Variants in KCNT1 observed in about 807,000 individuals in gnomAD.
The protein encoded by KCNT1 is potassium channel subfamily T member 1.
Under a neutral mutation model 147.8 loss-of-function variants are expected in KCNT1, and 78 were observed. The ratio of observed to expected loss-of-function variants is 0.53; its 90% confidence interval spans 0.44 to 0.64. The LOEUF is 0.64. Ranked by LOEUF, KCNT1 falls within the 30% of genes least tolerant of loss-of-function variation. The pLI is 0.00. For synonymous variants in KCNT1, 867 were observed against 748.8 expected (o/e 1.16, Z -2.58); for missense variants, 1,419 against 1,750.3 (o/e 0.81, Z 3.38).
intron 24 of KCNT1, among the ~76,000 whole-genome samples, chr9:135,783,277 C>T (rs1472216973): frequency 6.6e-6 from 1 of 152,202 alleles, no homozygotes; most frequent in Non-Finnish European, 1.5e-5. Context: ...AGGGAGAGGC[C>T]AGAGGTCCCC....
intron 2 of KCNT1, among the ~76,000 whole-genome samples, chr9:135,723,439 T>C (rs770676044): frequency 1.3e-4 from 20 of 152,240 alleles, no homozygotes; most frequent in Non-Finnish European, 2.2e-4. Context: ...TGCCCGAGGC[T>C]TGGCTCCACA....
In KCNT1 at chr9:135,778,428, G is replaced by A. The variant is rs376758763; in HGVS notation, c.2527G>A (p.Asp843Asn). The A allele has an allele frequency of 9.4e-5, 146 of 1,550,890 alleles. No individual in the cohort carries two copies. Among genetic ancestry groups the A allele is most frequent in the Non-Finnish European group, 8.5e-5 (97 of 1,147,026 alleles). Reference protein sequence around the residue: ...PIVLLLDNKPDHHFLEAICCF... With the variant: ...PIVLLLDNKPNHHFLEAICCF... ...CCAGGACCGCTGTCCCCACAGGCCC[G>A]ACCACCACTTCCTGGAAGCCATCTG... Residue 843 changes from aspartate (D) to asparagine (N), a missense_variant, in exon 22 of 31, where the codon GAC (aspartate) becomes AAC (asparagine). Transcript: ENST00000371757.
At chr9:135,762,124 G>A (rs984181113) in intron 11 of KCNT1, among the ~76,000 whole-genome samples, 12 of 152,318 alleles carry the variant, frequency 7.9e-5, no homozygotes, top group African/African-American at 2.4e-4. Context: ...CACCAGGGGA[G>A]CCCCCACCTC....
At chr9:135,705,602 C>G (rs1835219993) in intron 1 of KCNT1, among the ~76,000 whole-genome samples, 1 of 152,168 alleles carries the variant, frequency 6.6e-6, no homozygotes, top group South Asian at 2.1e-4. Flanking sequence ...GTGCCAAGGC[C>G]CGGTTAAATG....
Position 135,752,982 on chromosome 9 carries a change from ATGGT to A in KCNT1, c.435-951_435-948del, listed in dbSNP as rs1435999052. On this transcript the variant is annotated intron_variant, in intron 4 of 30. Transcript: ENST00000371757. This position sits in a 1 kb window ranked among gnomAD's most constrained non-coding sequence, Gnocchi z 5.1. ...GGATGAGTGGATGGATGATGAGCAG[ATGGT>A]TGGAGGGATGAGTGGATGGATGGAT... 2.8e-5 allele frequency among the ~76,000 whole-genome samples: 4 copies of A among 141,468 alleles called. No individual in the cohort carries two copies. Among genetic ancestry groups the A allele is most frequent in the African/African-American group, 1.1e-4 (4 of 37,442 alleles). The allele number at this position is 141,468 out of a possible 152,430, so 92.8% of individuals were successfully genotyped here.
intron 21 of KCNT1, 31 bp from the exon 22 acceptor site, chr9:135,778,393 G>T: frequency 2.6e-6 from 4 of 1,546,006 alleles, no homozygotes; most frequent in Non-Finnish European, 3.5e-6. Flanking sequence ...TTGAAGCAGG[G>T]TGGGCCCCTC....
chr9:135,786,307 C>A lies in KCNT1; in HGVS notation c.3288C>A (p.Gly1096=), dbSNP rs376167145. The A allele has an allele frequency of 6.2e-7, 1 of 1,601,758 alleles. No homozygotes were observed. The highest frequency in any genetic ancestry group is 1.7e-5 in the Admixed American group (1 of 58,338). The part of the protein sequence containing the change: ...GGSSQGRHTG[G]GDPAEHPLLR... ...GCTCCCAGGGCCGCCACACGGGCGG[C>A]GGTGACCCCGCAGAGCACCCACTGC... Residue 1096 remains glycine (G), a synonymous_variant, in exon 29 of 31, where the codon GGC becomes GGA. Transcript: ENST00000371757.
chr9:135,716,118 G>A (rs1403814583), intron 2 of KCNT1, among the ~76,000 whole-genome samples: 3 of 152,184 alleles, frequency 2.0e-5, no homozygotes, highest in East Asian at 1.9e-4. Context: ...TCCCTAGGCC[G>A]AATCCGTGGA....
intron 24 of KCNT1, among the ~76,000 whole-genome samples, chr9:135,780,966 G>A (rs926818423): frequency 3.3e-5 from 5 of 152,170 alleles, no homozygotes; most frequent in African/African-American, 4.8e-5. Context: ...CCCACAAGGT[G>A]GCTTGAAGTT....
chr9:135,734,875 G>C (rs571768091), intron 2 of KCNT1, among the ~76,000 whole-genome samples: 3 of 152,142 alleles, frequency 2.0e-5, no homozygotes, highest in Admixed American at 6.5e-5. Context: ...GATGTCCATC[G>C]GCCCTTTGTG....
intron 2 of KCNT1, chr9:135,742,717 C>T (rs1271004024): frequency 1.4e-6 from 1 of 717,018 alleles, no homozygotes; most frequent in East Asian, 2.7e-5. Context: ...CTGCTGCCTT[C>T]TCCATCTGTC....
Position 135,775,397 on chromosome 9 carries a change from C to T in KCNT1, c.2331C>T (p.Cys777=), listed in dbSNP as rs1307405160. Residue 777 remains cysteine (C), a synonymous_variant, in exon 20 of 31, where the codon TGC becomes TGT. Transcript: ENST00000371757. Reference sequence around the variant, plus strand: ...TCCTGCCTGTGAAAGCCCCCTTCTGCTGCCTGCGGCTGGACAAGGTAAGGC... The same window carrying T: ...TCCTGCCTGTGAAAGCCCCCTTCTGTTGCCTGCGGCTGGACAAGGTAAGGC... The part of the protein sequence containing the change: ...CHLLPVKAPF[C]CLRLDKGCKH... 1 of 1,610,418 alleles carries T rather than the reference C, an allele frequency of 6.2e-7. No individual in the cohort carries two copies. Among genetic ancestry groups the T allele is most frequent in the Non-Finnish European group, 8.5e-7 (1 of 1,178,200 alleles).
At chr9:135,773,619 C>G (rs1164642955) in intron 19 of KCNT1, among the ~76,000 whole-genome samples, 1 of 152,268 alleles carries the variant, frequency 6.6e-6, no homozygotes, top group Non-Finnish European at 1.5e-5. Flanking sequence ...CAGCTTCTGC[C>G]TTTTGGCCTC....
Position 135,730,256 on chromosome 9 carries a change from A to C in KCNT1, c.254+15536A>C, listed in dbSNP as rs1477503552. ...TCCCCCTTCGGAGCATCAGGTGTGG[A>C]CCCATGGAGTTCCGTGGACCTGCCG... On this transcript the variant is annotated intron_variant, in intron 2 of 30. Coordinates refer to ENST00000371757, the MANE Select transcript of KCNT1 (RefSeq NM_020822.3). This position sits in a 1 kb window ranked among gnomAD's most constrained non-coding sequence, Gnocchi z 4.7. 6.6e-6 allele frequency among the ~76,000 whole-genome samples: 1 copy of C among 152,118 alleles called. No homozygotes were observed. The highest frequency in any genetic ancestry group is 1.5e-5 in the Non-Finnish European group (1 of 68,028).
At chr9:135,783,959 CGTG>C (rs1410617169) in intron 24 of KCNT1, 62 bp from the exon 25 acceptor site, 8 of 1,265,222 alleles carry the variant, frequency 6.3e-6, no homozygotes, top group Non-Finnish European at 6.9e-6. Flanking sequence ...CCCTCGACCC[CGTG>C]GCTGCCGTGC....
intron 21 of KCNT1, among the ~76,000 whole-genome samples, chr9:135,777,885 C>T (rs1267876037): frequency 6.6e-6 from 1 of 151,566 alleles, no homozygotes; most frequent in Admixed American, 6.6e-5. Flanking sequence ...CAGCTTCTCC[C>T]CACTCCCAGT....
intron 19 of KCNT1, among the ~76,000 whole-genome samples, chr9:135,774,339 T>TGTGTCCGTGTGTGGTGC (rs1247640195): frequency 6.7e-6 from 1 of 148,226 alleles, no homozygotes; most frequent in Admixed American, 6.7e-5. Flanking sequence ...GGGTGTGTTG[T>TGTGTCCGTGTGTGGTGC]GTGTCCGTGT....
intron 19 of KCNT1, among the ~76,000 whole-genome samples, chr9:135,774,165 T>TATGTGTCCGTGTGTGTG (rs981262062): frequency 2.0e-5 from 3 of 150,846 alleles, no homozygotes; most frequent in African/African-American, 4.9e-5. Context: ...GTGTGTGTGG[T>TATGTGTCCGTGTGTGTG]ATGTGTCCGT....
intron 2 of KCNT1, among the ~76,000 whole-genome samples, chr9:135,748,943 G>A (rs1830992974): frequency 2.0e-5 from 2 of 101,012 alleles, no homozygotes; most frequent in Admixed American, 8.7e-5. Context: ...GAGGGCACAG[G>A]GCCATGGCTG....
Sources: gnomAD v4.1 joint callset for allele counts (sites outside exome capture counted in the v4.1 genomes callset) on GRCh38, gnomAD v4.1.1 for gene constraint, Gnocchi (gnomAD v3.1) non-coding constraint, MANE v1.5 for transcripts, NCBI Gene and HGNC (gene_info 2026-07-23, HGNC 2026-07-21) for gene names.